The following DLGAP1 variants were observed in gnomAD, a reference collection of about 807,000 sequenced individuals.
DLGAP1 encodes the protein DLG associated protein 1.
DLGAP1 carries 11 observed loss-of-function variants against 90.8 expected under a neutral mutation model. The observed-to-expected ratio is 0.12, with a 90% CI of 0.08 to 0.20. DLGAP1 has a LOEUF of 0.20. Ranked by LOEUF, DLGAP1 falls within the 10% of genes least tolerant of loss-of-function variation. The probability of loss-of-function intolerance (pLI) is 1.00; values close to 1 mark genes in which losing one functional copy is unlikely to be tolerated. For missense variants in DLGAP1, 1,050 were observed against 1,333.8 expected (o/e 0.79, Z 3.31); for synonymous variants, 558 against 540.7 (o/e 1.03, Z -0.44).
chr18:4,299,932 C>A (rs561725520), intron 1 of DLGAP1, among the ~76,000 whole-genome samples: 1 of 152,114 alleles, frequency 6.6e-6, no homozygotes. Flanking sequence ...AATAAGAAAT[C>A]TGTAAATTCA....
intron 8 of DLGAP1, among the ~76,000 whole-genome samples, chr18:3,569,562 G>A (rs1284835493): frequency 2.6e-5 from 4 of 151,822 alleles, no homozygotes; most frequent in Non-Finnish European, 4.4e-5. Flanking sequence ...CTTTTTCTCT[G>A]AGCATATTTT....
At chr18:4,357,093 G>A (rs1434134307) in intron 1 of DLGAP1, among the ~76,000 whole-genome samples, 21 of 5,210 alleles carry the variant, frequency 4.0e-3, no homozygotes, top group Non-Finnish European at 0.026. Context: ...ACGTGTGCGT[G>A]TGTGTGTGTG....
chr18:3,591,263 A>G (rs2056228206), intron 7 of DLGAP1, among the ~76,000 whole-genome samples: 1 of 152,206 alleles, frequency 6.6e-6, no homozygotes, highest in Admixed American at 6.5e-5. Flanking sequence ...AAGAAAAAAA[A>G]GAAACTTGGA....
At chr18:3,849,582 G>A (rs1032573366) in intron 4 of DLGAP1, among the ~76,000 whole-genome samples, 3 of 152,144 alleles carry the variant, frequency 2.0e-5, no homozygotes, top group African/African-American at 4.8e-5. Context: ...TTCTCCCAAT[G>A]AAGAAAGGGA....
intron 7 of DLGAP1, among the ~76,000 whole-genome samples, chr18:3,584,160 A>G (rs571767022): frequency 3.3e-5 from 5 of 152,198 alleles, no homozygotes; most frequent in African/African-American, 4.8e-5. Flanking sequence ...ATCAAAAATG[A>G]ATTAAGTTTC....
chr18:3,648,882 G>T (rs2059205737), intron 7 of DLGAP1, among the ~76,000 whole-genome samples: 1 of 152,174 alleles, frequency 6.6e-6, no homozygotes, highest in South Asian at 2.1e-4. Flanking sequence ...CCTACTTCCT[G>T]CCCCAGGGAG....
intron 1 of DLGAP1, among the ~76,000 whole-genome samples, chr18:4,239,285 AAATCC>A (rs1310949107): frequency 6.6e-6 from 1 of 152,238 alleles, no homozygotes; most frequent in Non-Finnish European, 1.5e-5. Flanking sequence ...TCTATCTCCT[AAATCC>A]TAAAGGGATA....
rs376989933 is a variant in DLGAP1 at position 3,824,815 on chromosome 18, G to A, written c.958-10542C>T. 2.0e-5 allele frequency among the ~76,000 whole-genome samples: 3 copies of A among 152,106 alleles called. No individual in the cohort carries two copies. The East Asian group carries it at 5.8e-4, about 29-fold the overall frequency. Reference sequence around the variant, plus strand: ...ACATTTATAACACCTGAAAGCATACGGCATTCAAACGGGCCAAAATAATCT... The same window carrying A: ...ACATTTATAACACCTGAAAGCATACAGCATTCAAACGGGCCAAAATAATCT... On this transcript the variant is annotated intron_variant, in intron 4 of 12. Transcript: ENST00000315677.
rs1201843367 is a variant in DLGAP1, at chr18:4,454,733, C to A, written c.-267+273G>T. Among the ~76,000 whole-genome samples, 5 of 152,002 alleles carry A rather than the reference C, an allele frequency of 3.3e-5. No individual in the cohort carries two copies. The highest frequency in any genetic ancestry group is 6.5e-5 in the Admixed American group (1 of 15,286). On this transcript the variant is annotated intron_variant, in intron 1 of 12. Transcript: ENST00000315677. The surrounding 1 kb of genome is among the most constrained non-coding windows in gnomAD (Gnocchi z 4.7). ...TTAGAAATCCTTCCCCTGCCTGGGT[C>A]CCCGTGGGGAGCCGCGAGGACCGCA...
At chr18:3,993,313 G>C (rs1437256544) in intron 3 of DLGAP1, 2 of 152,200 alleles carry the variant, frequency 1.3e-5, no homozygotes, top group African/African-American at 4.8e-5. Context: ...AAAAGAAACA[G>C]AATAAATTTT....
chr18:4,404,430 G>A (rs1358721162), intron 1 of DLGAP1, among the ~76,000 whole-genome samples: 3 of 152,050 alleles, frequency 2.0e-5, no homozygotes, highest in East Asian at 3.9e-4. Context: ...AACATGGCAA[G>A]GAAGAAGTTG....
chr18:4,443,431 G>T (rs1021098135), intron 1 of DLGAP1, among the ~76,000 whole-genome samples: 2 of 152,162 alleles, frequency 1.3e-5, no homozygotes, highest in African/African-American at 4.8e-5. Flanking sequence ...TGCAGCAGAA[G>T]GGATGGCATG....
intron 10 of DLGAP1, among the ~76,000 whole-genome samples, chr18:3,528,315 G>T (rs761817188): frequency 1.3e-5 from 2 of 152,192 alleles, no homozygotes; most frequent in African/African-American, 4.8e-5. Context: ...CCTGCCAAGT[G>T]GGATTGGCCT....
At chr18:4,424,445 TTTA>T (rs2083108364) in intron 1 of DLGAP1, among the ~76,000 whole-genome samples, 1 of 152,194 alleles carries the variant, frequency 6.6e-6, no homozygotes, top group African/African-American at 2.4e-5. Context: ...TCCTCCTAGT[TTTA>T]TTATTAAGAA....
intron 4 of DLGAP1, among the ~76,000 whole-genome samples, chr18:3,869,535 G>A (rs2070612802): frequency 6.6e-6 from 1 of 152,208 alleles, no homozygotes; most frequent in African/African-American, 2.4e-5. Context: ...CAGCCTGGGT[G>A]ACAAAGGGAA....
At chr18:3,546,308 G>A (rs913504174) in intron 9 of DLGAP1, among the ~76,000 whole-genome samples, 2 of 151,820 alleles carry the variant, frequency 1.3e-5, no homozygotes, top group Non-Finnish European at 2.9e-5. Context: ...CAGCTACACC[G>A]GAGACTGAGG....
intron 1 of DLGAP1, among the ~76,000 whole-genome samples, chr18:4,402,365 A>G (rs2082572931): frequency 6.6e-6 from 1 of 152,252 alleles, no homozygotes; most frequent in South Asian, 2.1e-4. Context: ...GGTTTGTCAG[A>G]AACAGATATC....
rs865805616 is a variant in DLGAP1, at chr18:4,208,305, C to G, written c.-266-57018G>C. On this transcript the variant is annotated intron_variant, in intron 1 of 12. Transcript: ENST00000315677. ...ATTATAAATTGTAATTGTTTCCAGA[C>G]CAGCTCATAAAAGCAAATTTGATAC... Among the ~76,000 whole-genome samples, 5 of 152,134 alleles carry G rather than the reference C, an allele frequency of 3.3e-5. No individual in the cohort carries two copies. In the South Asian group the frequency reaches 1.0e-3, roughly 32 times the overall value.
intron 1 of DLGAP1, among the ~76,000 whole-genome samples, chr18:4,375,538 G>C (rs1190198295): frequency 2.0e-5 from 3 of 152,046 alleles, no homozygotes; most frequent in East Asian, 3.9e-4. Context: ...ACCAACCTGA[G>C]ACCAAAGCTA....
Sources: allele counts gnomAD v4.1 joint callset (sites outside exome capture counted in the v4.1 genomes callset), GRCh38; gene constraint gnomAD v4.1.1; non-coding constraint Gnocchi (gnomAD v3.1); transcripts MANE v1.5; gene names NCBI Gene and HGNC (gene_info 2026-07-23, HGNC 2026-07-21).